Variants in ASTN2 observed in about 807,000 individuals in gnomAD.
ASTN2 encodes astrotactin-2.
Under a neutral mutation model 139.8 loss-of-function variants are expected in ASTN2, and 54 were observed. The observed-to-expected ratio is 0.39, with a 90% confidence interval of 0.31 to 0.48. ASTN2 has a LOEUF of 0.48. Among genes scored for constraint, ASTN2 ranks in the 20% least tolerant of loss-of-function variants. The probability of loss-of-function intolerance (pLI) is 0.95; values close to 1 mark genes in which losing one functional copy is unlikely to be tolerated. For synonymous variants in ASTN2, 756 were observed against 719.5 expected (o/e 1.05, Z -0.81); for missense variants, 1,565 against 1,725.1 (o/e 0.91, Z 1.64).
intron 18 of ASTN2, among the ~76,000 whole-genome samples, chr9:116,619,888 C>A (rs1204741936): frequency 6.6e-6 from 1 of 152,040 alleles, no homozygotes; most frequent in Non-Finnish European, 1.5e-5. Context: ...ATCTCCTCCA[C>A]TAAATTGTCC....
At chr9:116,672,039 C>G (rs1859227606) in intron 16 of ASTN2, among the ~76,000 whole-genome samples, 1 of 152,080 alleles carries the variant, frequency 6.6e-6, no homozygotes, top group Non-Finnish European at 1.5e-5. Context: ...TATATAATGA[C>G]AGATAAGTAA....
intron 4 of ASTN2, among the ~76,000 whole-genome samples, chr9:117,101,464 C>A (rs1016801374): frequency 6.6e-6 from 1 of 152,178 alleles, no homozygotes; most frequent in Admixed American, 6.5e-5. Context: ...GGTAATCTAT[C>A]TGCTGGAACC....
intron 1 of ASTN2, among the ~76,000 whole-genome samples, chr9:117,296,917 A>T (rs1834750872): frequency 6.6e-6 from 1 of 152,194 alleles, no homozygotes; most frequent in South Asian, 2.1e-4. Flanking sequence ...ATCAGCCTTC[A>T]TCAGTGATTC....
rs1473368288 is a variant in ASTN2, at chr9:116,698,179, G to A, written c.2806+27592C>T. On this transcript the variant is annotated intron_variant, in intron 16 of 22. Transcript: ENST00000313400. The surrounding 1 kb of genome is among the most constrained non-coding windows in gnomAD (Gnocchi z 4.4). ...GTCAAAGAAGCAGCTGAGGAGCGGC[G>A]TCGGGACTTTGGAGAGAAGTTAACT... is the stretch of plus-strand genomic sequence containing the variant. 6.2e-6 allele frequency: 10 copies of A among 1,614,162 alleles called. No homozygotes were observed. Among genetic ancestry groups the A allele is most frequent in the Middle Eastern group, 3.3e-4 (2 of 6,060 alleles).
chr9:117,414,484 C>A lies in ASTN2; in HGVS notation c.442+13G>T. ...TTCCTTGGGATCTAGCGCGTGCCGG[C>A]GCCCAGCCTTACCCAGGGTGAAGAA... On this transcript the variant is annotated intron_variant, in intron 1 of 22. Coordinates refer to ENST00000313400, the MANE Select transcript of ASTN2 (RefSeq NM_001365068.1). This position sits in a 1 kb window ranked among gnomAD's most constrained non-coding sequence, Gnocchi z 4.2. The A allele has an allele frequency of 6.2e-7, 1 of 1,607,660 alleles. No homozygotes were observed. Among genetic ancestry groups the A allele is most frequent in the South Asian group, 1.1e-5 (1 of 90,892 alleles).
intron 22 of ASTN2, among the ~76,000 whole-genome samples, chr9:116,433,177 T>C (rs182513849): frequency 8.6e-4 from 131 of 152,358 alleles, no homozygotes; most frequent in Admixed American, 1.9e-3. Flanking sequence ...GTAAGAAATC[T>C]AGTTGGTTTT....
intron 19 of ASTN2, chr9:116,543,524 G>A (rs1851965048): frequency 6.6e-6 from 1 of 151,850 alleles, no homozygotes. Context: ...CATAAAAAAA[G>A]TTTAACATTC....
At chr9:116,751,044 G>A (rs1339609518) in intron 13 of ASTN2, among the ~76,000 whole-genome samples, 1 of 152,064 alleles carries the variant, frequency 6.6e-6, no homozygotes, top group Non-Finnish European at 1.5e-5. Context: ...TGAGCCTCAG[G>A]TTTGTCTATA....
chr9:116,657,778 T>C (rs1190187028), intron 16 of ASTN2, among the ~76,000 whole-genome samples: 1 of 146,826 alleles, frequency 6.8e-6, no homozygotes, highest in Non-Finnish European at 1.5e-5. Context: ...GAGGTGGAGG[T>C]TGCAGTGAAC....
At chr9:116,862,839 CACAT>C (rs66820112) in intron 11 of ASTN2, among the ~76,000 whole-genome samples, 8,374 of 31,818 alleles carry the variant, frequency 0.26, 245 homozygotes, top group Non-Finnish European at 0.34. Context: ...CACACACACA[CACAT>C]ACACGTTAAA....
intron 1 of ASTN2, among the ~76,000 whole-genome samples, chr9:117,335,853 G>A (rs1273880632): frequency 6.6e-6 from 1 of 152,096 alleles, no homozygotes; most frequent in Non-Finnish European, 1.5e-5. Flanking sequence ...CCATATCTAT[G>A]TGTACCCAGA....
chr9:116,729,592 A>G (rs1031673277), intron 14 of ASTN2, among the ~76,000 whole-genome samples: 2 of 152,202 alleles, frequency 1.3e-5, no homozygotes, highest in African/African-American at 4.8e-5. Context: ...CTGCTTTCAC[A>G]CTATGACAGC....
At chr9:117,126,306 C>A (rs1197333124) in intron 4 of ASTN2, among the ~76,000 whole-genome samples, 1 of 152,170 alleles carries the variant, frequency 6.6e-6, no homozygotes, top group East Asian at 1.9e-4. Context: ...GACACAGCTA[C>A]AATGTAGCAG....
chr9:116,905,312 A>G (rs971938126), intron 10 of ASTN2, among the ~76,000 whole-genome samples: 1 of 152,176 alleles, frequency 6.6e-6, no homozygotes, highest in Non-Finnish European at 1.5e-5. Flanking sequence ...TTGTAATGGC[A>G]CAAAACACTT....
intron 22 of ASTN2, among the ~76,000 whole-genome samples, chr9:116,434,367 C>T (rs1234740036): frequency 1.3e-5 from 2 of 152,098 alleles, no homozygotes; most frequent in Non-Finnish European, 2.9e-5. Context: ...TCAATATATC[C>T]AAAGAAGCAG....
At chr9:116,957,817 A>G (rs1835756669) in intron 10 of ASTN2, among the ~76,000 whole-genome samples, 1 of 152,136 alleles carries the variant, frequency 6.6e-6, no homozygotes, top group Non-Finnish European at 1.5e-5. Flanking sequence ...AGTAGCTAGG[A>G]CTACAGGCAC....
intron 5 of ASTN2, among the ~76,000 whole-genome samples, chr9:117,043,576 A>G (rs1838642432): frequency 6.6e-6 from 1 of 152,180 alleles, no homozygotes; most frequent in African/African-American, 2.4e-5. Flanking sequence ...TGTGTCTCCT[A>G]TGTCATTTAA....
At chr9:116,929,689 T>C (rs913730267) in intron 10 of ASTN2, among the ~76,000 whole-genome samples, 1 of 152,162 alleles carries the variant, frequency 6.6e-6, no homozygotes, top group Admixed American at 6.5e-5. Context: ...CACAAACTGA[T>C]AGACAGCTGC....
chr9:116,561,651 G>C (rs1014866552), intron 19 of ASTN2, among the ~76,000 whole-genome samples: 21 of 152,192 alleles, frequency 1.4e-4, no homozygotes, highest in African/African-American at 4.6e-4. Flanking sequence ...AAAGGAGCCT[G>C]TTGGAGTCTC....
Sources: allele counts gnomAD v4.1 joint callset (sites outside exome capture counted in the v4.1 genomes callset), GRCh38; gene constraint gnomAD v4.1.1; non-coding constraint Gnocchi (gnomAD v3.1); transcripts MANE v1.5; gene names NCBI Gene and HGNC (gene_info 2026-07-23, HGNC 2026-07-21).